STUM: variants seen among roughly 807,000 people sequenced by gnomAD.
The protein encoded by STUM is protein stum homolog.
Under a neutral mutation model 15.3 loss-of-function variants are expected in STUM, and 8 were observed. The observed-to-expected ratio is 0.52, with a 90% CI of 0.31 to 0.94. The LOEUF is 0.94. STUM is among the 40% of genes least tolerant of loss of function. The pLI is 0.05. For synonymous variants in STUM, 78 were observed against 88.7 expected, an observed-to-expected ratio of 0.88 and a Z score of 0.68; for missense variants, 142 against 204.9, an observed-to-expected ratio of 0.69 and a Z score of 1.87.
intron 1 of STUM, among the ~76,000 whole-genome samples, chr1:226,594,313 T>C (rs1571812331): frequency 1.3e-5 from 2 of 152,100 alleles, no homozygotes; most frequent in East Asian, 3.8e-4. Flanking sequence ...TAAGGCAGGG[T>C]CAGTTTCAGA....
intron 1 of STUM, among the ~76,000 whole-genome samples, chr1:226,554,602 G>A (rs2102685148): frequency 6.6e-6 from 1 of 152,260 alleles, no homozygotes; most frequent in East Asian, 1.9e-4. Flanking sequence ...AAAGTGGATA[G>A]GTAATGTCTG....
chr1:226,600,747 C>T lies in STUM; in HGVS notation c.391+73C>T. 6.5e-7 allele frequency: 1 copy of T among 1,531,490 alleles called. No individual in the cohort carries two copies. Among genetic ancestry groups the T allele is most frequent in the Non-Finnish European group, 9.0e-7 (1 of 1,113,388 alleles). 94.9% of individuals were successfully genotyped at this position (1,531,490 alleles called of 1,614,324 possible). A position where few individuals can be genotyped will look rare whatever the true frequency, so the allele number is the denominator to read the frequency against. On this transcript the variant is annotated intron_variant, in intron 3 of 3. Coordinates refer to ENST00000366788, the MANE Select transcript of STUM (RefSeq NM_001003665.4). This position sits in a 1 kb window ranked among gnomAD's most constrained non-coding sequence, Gnocchi z 5.2. ...CTCCCCTCCCCCGAGACCCCCACTC[C>T]TGCACACAAACACCCCACCCACTCT...
Position 226,600,611 on chromosome 1 carries a change from CTCT to C in STUM, c.383-48_383-46del, listed in dbSNP as rs1315616648. On this transcript the variant is annotated intron_variant, in intron 2 of 3. Transcript: ENST00000366788. The surrounding 1 kb of genome is among the most constrained non-coding windows in gnomAD (Gnocchi z 5.2). ...TGGCTCTGTTTTCAGGCTGTGTTTT[CTCT>C]TCTTCTCTCTCTCCTCTTCCTCCTG... 31 of 1,606,290 alleles carry C rather than the reference CTCT, an allele frequency of 1.9e-5. No homozygotes were observed. In the African/African-American group the frequency reaches 3.5e-4, roughly 18 times the overall value.
At chr1:226,568,545 T>TA (rs971569663) in intron 1 of STUM, among the ~76,000 whole-genome samples, 6 of 152,224 alleles carry the variant, frequency 3.9e-5, no homozygotes, top group South Asian at 2.1e-4. Flanking sequence ...TTAATTTTTT[T>TA]AAAAAAGTTT....
chr1:226,553,498 A>G (rs1222621376), intron 1 of STUM, among the ~76,000 whole-genome samples: 1 of 152,206 alleles, frequency 6.6e-6, no homozygotes, highest in Non-Finnish European at 1.5e-5. Context: ...CAAACAATAA[A>G]TGGAGTGGGA....
chr1:226,579,093 C>T (rs965199568), intron 1 of STUM, among the ~76,000 whole-genome samples: 4 of 152,188 alleles, frequency 2.6e-5, no homozygotes, highest in Admixed American at 1.3e-4. Flanking sequence ...GGGTTCTCGC[C>T]TGGCCCATCC....
intron 1 of STUM, among the ~76,000 whole-genome samples, chr1:226,596,306 G>A (rs574899244): frequency 5.3e-5 from 8 of 152,238 alleles, no homozygotes; most frequent in Non-Finnish European, 7.4e-5. Flanking sequence ...GTCCCTTAGC[G>A]AGCAGCATGT....
At chr1:226,599,997 A>G (rs1186891417) in intron 2 of STUM, among the ~76,000 whole-genome samples, 1 of 152,234 alleles carries the variant, frequency 6.6e-6, no homozygotes, top group African/African-American at 2.4e-5. Context: ...ATGGCTAAGC[A>G]CATAGCTCAG....
Position 226,602,140 on chromosome 1 carries a change from C to T in STUM, c.*100C>T. ...TTTACATGTTCTTTTCTGCCATTTT[C>T]TGGACTGGGGGTGGAAAGGGGGTAT... On this transcript the variant is annotated 3_prime_UTR_variant, in exon 4 of 4. Coordinates refer to ENST00000366788, the MANE Select transcript of STUM (RefSeq NM_001003665.4). 1.2e-6 allele frequency: 1 copy of T among 851,652 alleles called. No individual in the cohort carries two copies. The highest frequency in any genetic ancestry group is 1.9e-6 in the Non-Finnish European group (1 of 535,030). The allele number at this position is 851,652 out of a possible 1,614,324, so 52.8% of individuals were successfully genotyped here.
At position 226,609,052 on chromosome 1, in the gene STUM, A is replaced by G. The variant is rs1183423487; in HGVS notation, c.*7012A>G. 1 of 152,274 alleles carries G rather than the reference A, an allele frequency of 6.6e-6. No individual in the cohort carries two copies. Among genetic ancestry groups the G allele is most frequent in the Admixed American group, 6.5e-5 (1 of 15,294 alleles). 9.4% of individuals were successfully genotyped at this position (152,274 alleles called of 1,614,324 possible). ...AACCTGTGTACATATTTCCATGTAC[A>G]TATTTATACATACACACACCTTCCT... On this transcript the variant is annotated 3_prime_UTR_variant, in exon 4 of 4. Coordinates refer to ENST00000366788, the MANE Select transcript of STUM (RefSeq NM_001003665.4).
rs201140774 is a variant in STUM at position 226,589,663 on chromosome 1, A to AC, written c.203-7138dup. 5.7e-3 allele frequency among the ~76,000 whole-genome samples: 863 copies of AC among 152,298 alleles called. 7 individuals carry two copies. The highest frequency in any genetic ancestry group is 8.7e-3 in the Non-Finnish European group (593 of 68,022). ...TACAACACACTGATTTTGGTGGTTG[A>AC]CAATACAGTTCATTACCATCATTTT... On this transcript the variant is annotated intron_variant, in intron 1 of 3. Coordinates refer to ENST00000366788, the MANE Select transcript of STUM (RefSeq NM_001003665.4).
intron 1 of STUM, among the ~76,000 whole-genome samples, chr1:226,553,855 A>G (rs962063073): frequency 5.3e-5 from 8 of 152,246 alleles, no homozygotes; most frequent in Non-Finnish European, 1.0e-4. Flanking sequence ...AAGAATAGCT[A>G]TAAAGGAGTA....
rs976459794 is a variant in STUM, at chr1:226,608,456, A to T, written c.*6416A>T. 6.6e-6 allele frequency: 1 copy of T among 151,926 alleles called. No homozygotes were observed. Among genetic ancestry groups the T allele is most frequent in the Admixed American group, 6.6e-5 (1 of 15,266 alleles). The allele number at this position is 151,926 out of a possible 1,614,324, so 9.4% of individuals were successfully genotyped here. On this transcript the variant is annotated 3_prime_UTR_variant, in exon 4 of 4. Coordinates refer to ENST00000366788, the MANE Select transcript of STUM (RefSeq NM_001003665.4). The surrounding 1 kb of genome is among the most constrained non-coding windows in gnomAD (Gnocchi z 4.0). ...TGGTGCCATTTTTTTTTTAAACAAC[A>T]TATATAAAAACAAAACAACTGGTTC...
intron 1 of STUM, among the ~76,000 whole-genome samples, chr1:226,559,443 CA>C (rs1158794897): frequency 1.3e-5 from 2 of 152,226 alleles, no homozygotes; most frequent in Non-Finnish European, 2.9e-5. Flanking sequence ...CCCTGCCTGT[CA>C]CAGTGCCTGG....
chr1:226,595,449 A>G (rs899090747), intron 1 of STUM, among the ~76,000 whole-genome samples: 5 of 152,162 alleles, frequency 3.3e-5, no homozygotes, highest in African/African-American at 1.2e-4. Flanking sequence ...GGAACCCCTC[A>G]ATCCCATCAA....
chr1:226,585,861 C>G (rs1667988027), intron 1 of STUM, among the ~76,000 whole-genome samples: 1 of 152,198 alleles, frequency 6.6e-6, no homozygotes, highest in South Asian at 2.1e-4. Flanking sequence ...ATACCATAGA[C>G]AGGGTAGCTT....
intron 1 of STUM, among the ~76,000 whole-genome samples, chr1:226,587,110 G>A (rs953617786): frequency 4.2e-4 from 64 of 152,120 alleles, no homozygotes; most frequent in African/African-American, 1.5e-3. Context: ...CCCCAGCCCC[G>A]CCACAGAGTG....
intron 1 of STUM, among the ~76,000 whole-genome samples, chr1:226,557,961 A>G (rs1298600981): frequency 6.6e-6 from 1 of 152,234 alleles, no homozygotes; most frequent in Non-Finnish European, 1.5e-5. Context: ...AATCTCACCA[A>G]AGTTAGGTGT....
chr1:226,596,140 T>C (rs1450978142), intron 1 of STUM, among the ~76,000 whole-genome samples: 1 of 152,170 alleles, frequency 6.6e-6, no homozygotes, highest in Non-Finnish European at 1.5e-5. Flanking sequence ...TGGCACCTTG[T>C]GGATGCTCAA....
Sources: allele counts gnomAD v4.1 joint callset (sites outside exome capture counted in the v4.1 genomes callset), GRCh38; gene constraint gnomAD v4.1.1; non-coding constraint Gnocchi (gnomAD v3.1); transcripts MANE v1.5; gene names NCBI Gene and HGNC (gene_info 2026-07-23, HGNC 2026-07-21).